The following RBFOX1 variants were observed in gnomAD, a reference collection of about 807,000 sequenced individuals.
RBFOX1 encodes RNA binding protein fox-1 homolog 1.
A neutral mutation model predicts 57.7 loss-of-function variants in RBFOX1; 8 were observed. The observed-to-expected ratio is 0.14, with a 90% CI of 0.08 to 0.25. The LOEUF is 0.25. Ranked by LOEUF, RBFOX1 falls within the 10% of genes least tolerant of loss-of-function variation. RBFOX1 has a pLI of 1.00. For synonymous variants in RBFOX1, 326 were observed against 222.4 expected, an observed-to-expected ratio of 1.47 and a Z score of -4.15; for missense variants, 611 against 548.5, an observed-to-expected ratio of 1.11 and a Z score of -1.14.
chr16:6,704,990 A>G (rs1013765232), intron 3 of RBFOX1: 1 of 151,962 alleles, frequency 6.6e-6, no homozygotes, highest in South Asian at 2.1e-4. Flanking sequence ...CCTCATGGCT[A>G]TTTTTTAACT....
At chr16:6,186,777 T>C (rs978081226) in intron 1 of RBFOX1, among the ~76,000 whole-genome samples, 4 of 152,090 alleles carry the variant, frequency 2.6e-5, no homozygotes, top group Non-Finnish European at 5.9e-5. Context: ...TTGGTGCCAA[T>C]GGGGAGTGAA....
chr16:7,702,322 G>C (rs887728303), intron 14 of RBFOX1, among the ~76,000 whole-genome samples: 1 of 152,184 alleles, frequency 6.6e-6, no homozygotes, highest in Non-Finnish European at 1.5e-5. Flanking sequence ...TTTGTCCTTT[G>C]AAGTGAGCTT....
intron 1 of RBFOX1, among the ~76,000 whole-genome samples, chr16:6,138,511 C>T (rs958913867): frequency 3.3e-5 from 5 of 152,028 alleles, no homozygotes; most frequent in African/African-American, 1.2e-4. Context: ...CTTTTTAAAG[C>T]CAGGAAGGGG....
intron 3 of RBFOX1, among the ~76,000 whole-genome samples, chr16:6,725,571 C>G (rs990440221): frequency 6.6e-6 from 1 of 152,130 alleles, no homozygotes. Context: ...AGCATATAAT[C>G]AAGAGATAAT....
At chr16:6,000,359 G>C (rs1169318163) in intron 4 of RBFOX1, among the ~76,000 whole-genome samples, 1 of 152,202 alleles carries the variant, frequency 6.6e-6, no homozygotes, top group African/African-American at 2.4e-5. Flanking sequence ...TGACCAGGGA[G>C]AGGCAGTAAC....
chr16:6,200,778 C>G (rs970793888), intron 1 of RBFOX1, among the ~76,000 whole-genome samples: 2 of 152,048 alleles, frequency 1.3e-5, no homozygotes, highest in Non-Finnish European at 2.9e-5. Context: ...TACCTGAAAC[C>G]AGATGGTAAA....
At chr16:5,853,876 C>T (rs6500729) in intron 3 of RBFOX1, among the ~76,000 whole-genome samples, 11,507 of 152,268 alleles carry the variant, frequency 0.076, 507 homozygotes, top group Middle Eastern at 0.12. Context: ...CCCCTCCACC[C>T]GGCCTCCCAA....
chr16:6,911,629 C>G (rs182267887), intron 3 of RBFOX1, among the ~76,000 whole-genome samples: 1 of 152,226 alleles, frequency 6.6e-6, no homozygotes, highest in African/African-American at 2.4e-5. Context: ...TCTCACAGAT[C>G]CTAAGGGGTT....
chr16:5,810,381 C>G (rs1158313197), intron 3 of RBFOX1, among the ~76,000 whole-genome samples: 1 of 152,102 alleles, frequency 6.6e-6, no homozygotes, highest in African/African-American at 2.4e-5. Flanking sequence ...GGAGAGAGGC[C>G]TCAGAATAAA....
At chr16:7,156,925 T>C (rs967400447) in intron 4 of RBFOX1, among the ~76,000 whole-genome samples, 2 of 152,220 alleles carry the variant, frequency 1.3e-5, no homozygotes, top group East Asian at 1.9e-4. Context: ...TCCTATAATA[T>C]ATGTGATAAC....
intron 5 of RBFOX1, 82 bp downstream of exon 5, chr16:7,518,471 A>G: frequency 6.6e-7 from 1 of 1,510,378 alleles, no homozygotes; most frequent in Non-Finnish European, 8.9e-7. Flanking sequence ...GTGCACCCCC[A>G]TCTACCCAGG....
intron 3 of RBFOX1, among the ~76,000 whole-genome samples, chr16:6,738,143 C>A (rs908402773): frequency 6.6e-6 from 1 of 150,984 alleles, no homozygotes; most frequent in East Asian, 1.9e-4. Flanking sequence ...CCAGATGTAA[C>A]CTCTCATCTT....
chr16:7,391,280 A>G (rs1257582409), intron 4 of RBFOX1, among the ~76,000 whole-genome samples: 1 of 152,142 alleles, frequency 6.6e-6, no homozygotes, highest in African/African-American at 2.4e-5. Flanking sequence ...TGTCCCTCTA[A>G]GAGAGTTTTT....
At position 5,814,491 on chromosome 16, in the gene RBFOX1, C is replaced by T. The variant is rs567016575; in HGVS notation, c.319-52812C>T. Among the ~76,000 whole-genome samples, 4 of 152,068 alleles carry T rather than the reference C, an allele frequency of 2.6e-5. No homozygotes were observed. In the South Asian group the frequency reaches 8.3e-4, roughly 32 times the overall value. ...GCACTTCTTGGTTAGTTGAATCTTCCCCAGAATTCCATCAATGCCCAATTC... is the reference window on the plus strand; with the variant it reads ...GCACTTCTTGGTTAGTTGAATCTTCTCCAGAATTCCATCAATGCCCAATTC... On this transcript the variant is annotated intron_variant, in intron 3 of 19. Transcript: ENST00000641259.
At chr16:6,252,768 G>GGAA (rs1431758531) in intron 1 of RBFOX1, among the ~76,000 whole-genome samples, 1 of 152,160 alleles carries the variant, frequency 6.6e-6, no homozygotes, top group Non-Finnish European at 1.5e-5. Context: ...GAGGTAGTGT[G>GGAA]GAAGATTTAA....
intron 2 of RBFOX1, among the ~76,000 whole-genome samples, chr16:6,512,733 T>C (rs1432774967): frequency 6.6e-6 from 1 of 152,132 alleles, no homozygotes; most frequent in Non-Finnish European, 1.5e-5. Flanking sequence ...GACGTCACTG[T>C]CTTGTTTCTG....
chr16:7,058,302 G>A (rs79801099), intron 4 of RBFOX1, among the ~76,000 whole-genome samples: 3,301 of 152,208 alleles, frequency 0.022, 109 homozygotes, highest in African/African-American at 0.073. Flanking sequence ...CTTTAGCAGG[G>A]CTGTAACACT....
chr16:6,643,653 C>T (rs1022937750), intron 2 of RBFOX1, among the ~76,000 whole-genome samples: 2 of 152,128 alleles, frequency 1.3e-5, no homozygotes, highest in East Asian at 3.9e-4. Flanking sequence ...GTATAAAATA[C>T]ATAGCTCGTA....
chr16:6,989,806 C>T (rs116700724), intron 3 of RBFOX1, among the ~76,000 whole-genome samples: 9,923 of 152,094 alleles, frequency 0.065, 395 homozygotes, highest in South Asian at 0.17. Context: ...TCGAAACTAG[C>T]CTGGCTAACA....
Sources: gnomAD v4.1 joint callset for allele counts (sites outside exome capture counted in the v4.1 genomes callset) on GRCh38, gnomAD v4.1.1 for gene constraint, MANE v1.5 for transcripts, NCBI Gene and HGNC (gene_info 2026-07-23, HGNC 2026-07-21) for gene names.